Variants in SUGCT observed in about 807,000 individuals in gnomAD.
The protein encoded by SUGCT is succinyl-CoA:glutarate CoA-transferase.
A neutral mutation model predicts 55.0 loss-of-function variants in SUGCT; 41 were observed. The ratio of observed to expected loss-of-function variants is 0.74; its 90% CI spans 0.58 to 0.97. The LOEUF (loss-of-function observed/expected upper bound fraction) is 0.97. SUGCT is among the 50% of genes least tolerant of loss of function. The pLI is 0.00. For synonymous variants in SUGCT, 187 were observed against 200.4 expected (o/e 0.93, Z 0.56); for missense variants, 568 against 547.8 (o/e 1.04, Z -0.37).
At chr7:40,857,702 T>A (rs1387283016) in intron 13 of SUGCT, among the ~76,000 whole-genome samples, 1 of 152,044 alleles carries the variant, frequency 6.6e-6, no homozygotes, top group Admixed American at 6.6e-5. Context: ...TGGATGAATC[T>A]CAAAAATATT....
chr7:40,202,405 T>G (rs1786664337), intron 6 of SUGCT, among the ~76,000 whole-genome samples: 1 of 152,222 alleles, frequency 6.6e-6, no homozygotes. Context: ...GATGTGTGTG[T>G]GTTTGTATTA....
At chr7:40,922,573 A>C in the SUGCT span, among the ~76,000 whole-genome samples, 2 of 152,232 alleles carry the variant, frequency 1.3e-5, no homozygotes, top group Non-Finnish European at 2.9e-5. Context: ...AAAAAACACA[A>C]GGTTTCTTTA....
the SUGCT span, among the ~76,000 whole-genome samples, chr7:40,944,088 G>C: frequency 6.6e-6 from 1 of 152,114 alleles, no homozygotes; most frequent in Non-Finnish European, 1.5e-5. Context: ...CTTTTGAGAA[G>C]TGTCTGTTCA....
At chr7:40,155,244 C>T (rs565287500) in intron 1 of SUGCT, among the ~76,000 whole-genome samples, 2 of 150,802 alleles carry the variant, frequency 1.3e-5, no homozygotes, top group East Asian at 3.9e-4. Context: ...AAGATTGCGC[C>T]ACTGCACTCC....
At chr7:40,531,389 C>A (rs796369545) in intron 12 of SUGCT, among the ~76,000 whole-genome samples, 1 of 152,082 alleles carries the variant, frequency 6.6e-6, no homozygotes, top group African/African-American at 2.4e-5. Flanking sequence ...AAATTCTGGG[C>A]TCCTCTCATT....
the SUGCT span, among the ~76,000 whole-genome samples, chr7:40,996,008 C>T: frequency 2.6e-5 from 4 of 152,232 alleles, no homozygotes; most frequent in Admixed American, 1.3e-4. Context: ...TGCAAAGTGA[C>T]GTCTAACTGG....
intron 13 of SUGCT, among the ~76,000 whole-genome samples, chr7:40,769,054 A>G (rs1788954210): frequency 6.6e-6 from 1 of 152,184 alleles, no homozygotes. Context: ...GAGGGAAAGG[A>G]TTCAAGCTCA....
In SUGCT at chr7:40,349,919, C is replaced by G. The variant is rs576852414; in HGVS notation, c.816+33064C>G. ...TTCAGTCTGGTCTTGAACTTTTGAG[C>G]TCAAACAATCCTCCTGCCTCGGCTT... On this transcript the variant is annotated intron_variant, in intron 9 of 13. Coordinates refer to ENST00000335693, the MANE Select transcript of SUGCT (RefSeq NM_001193313.2). Among the ~76,000 whole-genome samples the G allele has an allele frequency of 5.3e-5, 8 of 152,248 alleles. No homozygotes were observed. In the South Asian group the frequency reaches 6.2e-4, roughly 12 times the overall value.
At chr7:40,289,632 A>G (rs1057307278) in intron 8 of SUGCT, among the ~76,000 whole-genome samples, 8 of 152,118 alleles carry the variant, frequency 5.3e-5, no homozygotes, top group Non-Finnish European at 1.0e-4. Context: ...CCTATTCAAC[A>G]TAGTGTTGGA....
chr7:40,864,186 G>A (rs1794540817), downstream of SUGCT, among the ~76,000 whole-genome samples: 2 of 152,162 alleles, frequency 1.3e-5, no homozygotes, highest in South Asian at 4.1e-4. Context: ...TCAGTTGCCT[G>A]GGCTCTGTTG....
intron 12 of SUGCT, chr7:40,547,075 G>A (rs11982075): frequency 0.21 from 32,268 of 152,018 alleles, 6,028 homozygotes; most frequent in African/African-American, 0.5. Context: ...TCATATGCAT[G>A]TGACTTATGA....
At chr7:40,545,187 G>C (rs1301655447) in intron 12 of SUGCT, among the ~76,000 whole-genome samples, 1 of 152,218 alleles carries the variant, frequency 6.6e-6, no homozygotes, top group East Asian at 1.9e-4. Flanking sequence ...CTTTAGAAAT[G>C]ATAGCTCAGC....
intron 9 of SUGCT, among the ~76,000 whole-genome samples, chr7:40,365,213 C>T (rs926887826): frequency 5.9e-4 from 90 of 152,172 alleles, no homozygotes; most frequent in Non-Finnish European, 1.1e-3. Context: ...AATTTAACAA[C>T]TCTTCATGCT....
intron 12 of SUGCT, among the ~76,000 whole-genome samples, chr7:40,518,187 A>G (rs1379733740): frequency 2.0e-5 from 3 of 152,152 alleles, no homozygotes; most frequent in Non-Finnish European, 4.4e-5. Context: ...GGAATCCAGA[A>G]TGTGACAAAT....
intron 12 of SUGCT, among the ~76,000 whole-genome samples, chr7:40,674,418 A>G (rs1173358122): frequency 6.6e-6 from 1 of 152,228 alleles, no homozygotes; most frequent in African/African-American, 2.4e-5. Flanking sequence ...ACATTTTATG[A>G]AATGTCCTTC....
chr7:40,806,235 G>T (rs1308117999), intron 13 of SUGCT, among the ~76,000 whole-genome samples: 2 of 152,142 alleles, frequency 1.3e-5, no homozygotes, highest in Non-Finnish European at 2.9e-5. Context: ...AAGGTTCCCA[G>T]GTGGTCCTGA....
intron 12 of SUGCT, among the ~76,000 whole-genome samples, chr7:40,719,481 C>T (rs1019127081): frequency 2.0e-5 from 3 of 152,156 alleles, no homozygotes; most frequent in Non-Finnish European, 2.9e-5. Flanking sequence ...GAGCCAGCCC[C>T]GGAGAGCCAC....
chr7:40,380,739 A>G (rs1397096691), intron 9 of SUGCT, among the ~76,000 whole-genome samples: 1 of 152,184 alleles, frequency 6.6e-6, no homozygotes, highest in Non-Finnish European at 1.5e-5. Context: ...TTGTCTCTGA[A>G]TGGCATTTTG....
chr7:40,607,850 A>G lies in SUGCT; in HGVS notation c.1089+111464A>G, dbSNP rs371068783. On this transcript the variant is annotated intron_variant, in intron 12 of 13. Coordinates refer to ENST00000335693, the MANE Select transcript of SUGCT (RefSeq NM_001193313.2). Reference sequence around the variant, plus strand: ...GGTGAAGTGCTTTTCCTAAGGCCATAGACCTAGTGAATTACAGAACTGGGT... The same window carrying G: ...GGTGAAGTGCTTTTCCTAAGGCCATGGACCTAGTGAATTACAGAACTGGGT... Among the ~76,000 whole-genome samples, 2 of 152,208 alleles carry G rather than the reference A, an allele frequency of 1.3e-5. 1 individual carries two copies. Among genetic ancestry groups the G allele is most frequent in the East Asian group, 3.9e-4 (2 of 5,192 alleles).
Sources: gnomAD v4.1 joint callset for allele counts (sites outside exome capture counted in the v4.1 genomes callset) on GRCh38, gnomAD v4.1.1 for gene constraint, MANE v1.5 for transcripts, NCBI Gene and HGNC (gene_info 2026-07-23, HGNC 2026-07-21) for gene names.